Variants in UTS2R observed in about 807,000 individuals in gnomAD.
The protein encoded by UTS2R is urotensin 2 receptor.
For synonymous variants in UTS2R, 335 were observed against 280.9 expected (o/e 1.19, Z -1.93); for missense variants, 653 against 562.2 (o/e 1.16, Z -1.63).
rs1476293461 is a variant in UTS2R, at chr17:82,374,902, G to C, written c.578G>C (p.Arg193Pro). 4 of 1,207,016 alleles carry C rather than the reference G, an allele frequency of 3.3e-6. No individual in the cohort carries two copies. Among genetic ancestry groups the C allele is most frequent in the Middle Eastern group, 2.6e-4 (1 of 3,872 alleles). 74.8% of individuals were successfully genotyped at this position (1,207,016 alleles called of 1,614,324 possible). Residue 193 changes from arginine to proline, a missense_variant, in exon 3 of 3, where the codon CGG (arginine) becomes CCG (proline). Arg to Pro is a moderately radical substitution (Grantham distance 103, BLOSUM62 -2). Coordinates refer to ENST00000313135, the MANE Select transcript of UTS2R (RefSeq NM_018949.3). ...ATGCTGGCCATGCGGCTGGTGCGCC[G>C]GGGTCCCAAGAGCCTGTGCCTGCCC... ...PVMLAMRLVR[R>P]GPKSLCLPAW...
In UTS2R at chr17:82,377,028, G is replaced by A. The variant is rs2052502442; in HGVS notation, c.*1534G>A. On this transcript the variant is annotated 3_prime_UTR_variant, in exon 3 of 3. Transcript: ENST00000313135. ...GCGGTTTTGTGGAATAGAAAGGCAG[G>A]AAAGGTGGGGAAAAGATTGAGAAAT... Among the ~76,000 whole-genome samples the A allele has an allele frequency of 6.6e-6, 1 of 152,270 alleles. No individual in the cohort carries two copies. The highest frequency in any genetic ancestry group is 1.5e-5 in the Non-Finnish European group (1 of 68,052).
rs1473352084 is a variant in UTS2R at position 82,371,895 on chromosome 17, C to G, written c.-421C>G. Among the ~76,000 whole-genome samples the G allele has an allele frequency of 2.0e-5, 3 of 151,898 alleles. No homozygotes were observed. In the East Asian group the frequency reaches 5.8e-4, roughly 29 times the overall value. On this transcript the variant is annotated 5_prime_UTR_variant, in exon 1 of 3. Coordinates refer to ENST00000313135, the MANE Select transcript of UTS2R (RefSeq NM_018949.3). This position sits in a 1 kb window ranked among gnomAD's most constrained non-coding sequence, Gnocchi z 6.3. Reference sequence around the variant, plus strand: ...CTGGAAGCCGAGGCCACCGCGGAGCCCCTCGCGCCCCCTCTGCGCTGGGAC... The same window carrying G: ...CTGGAAGCCGAGGCCACCGCGGAGCGCCTCGCGCCCCCTCTGCGCTGGGAC...
In UTS2R at chr17:82,374,771, C is replaced by T. The variant is rs13305976; in HGVS notation, c.447C>T (p.Tyr149=). 1,239 of 1,604,702 alleles carry T rather than the reference C, an allele frequency of 7.7e-4. 25 individuals are homozygous for T. In the East Asian group the frequency reaches 0.027, roughly 34 times the overall value. ...FTLTVMSSER[Y]AAVLRPLDTV... is the part of the protein sequence containing the mutation. ...TGACCGTCATGAGCAGCGAGCGCTA[C>T]GCTGCGGTGCTGCGGCCGCTGGACA... The change falls in exon 3 of 3, where the codon TAC becomes TAT. Residue 149 remains tyrosine (Y), a synonymous_variant. Transcript: ENST00000313135.
At position 82,375,040 on chromosome 17, in the gene UTS2R, G is replaced by A. The variant is rs959588821; in HGVS notation, c.716G>A (p.Arg239His). Residue 239 changes from arginine (R) to histidine (H), a missense_variant, in exon 3 of 3, where the codon CGC (arginine) becomes CAC (histidine). Coordinates refer to ENST00000313135, the MANE Select transcript of UTS2R (RefSeq NM_018949.3). ...LLYARLARAYRRSQRASFKRA... is the reference protein window; with the variant it reads ...LLYARLARAYHRSQRASFKRA... ...TACGCGCGCCTGGCCCGCGCCTACC[G>A]CCGCTCGCAGCGCGCCTCCTTCAAG... 4 of 1,410,932 alleles carry A rather than the reference G, an allele frequency of 2.8e-6. No homozygotes were observed. Among genetic ancestry groups the A allele is most frequent in the African/African-American group, 1.5e-5 (1 of 66,614 alleles). The allele number at this position is 1,410,932 out of a possible 1,614,324, so 87.4% of individuals were successfully genotyped here. A position where few individuals can be genotyped will look rare whatever the true frequency, so the allele number is the denominator to read the frequency against.
In UTS2R at chr17:82,375,693, CTCCAGCGCAG is replaced by C; in HGVS notation, c.*203_*212del. On this transcript the variant is annotated 3_prime_UTR_variant, in exon 3 of 3. Transcript: ENST00000313135. ...CGCCTCCCTGAGGGTCTCCAGGAGGCTCCAGCGCAGTCCCGGCTTCTGGAGACCATGGCTT... is the reference window on the plus strand; with the variant it reads ...CGCCTCCCTGAGGGTCTCCAGGAGGCTCCCGGCTTCTGGAGACCATGGCTT... 1 of 450,422 alleles carries C rather than the reference CTCCAGCGCAG, an allele frequency of 2.2e-6. No homozygotes were observed. Among genetic ancestry groups the C allele is most frequent in the Non-Finnish European group, 3.9e-6 (1 of 258,150 alleles). 27.9% of individuals were successfully genotyped at this position (450,422 alleles called of 1,614,324 possible). A position where few individuals can be genotyped will look rare whatever the true frequency, so the allele number is the denominator to read the frequency against.
Position 82,376,829 on chromosome 17 carries a change from T to C in UTS2R, c.*1335T>C, listed in dbSNP as rs11657043. Among the ~76,000 whole-genome samples, 39,503 of 151,978 alleles carry C rather than the reference T, an allele frequency of 0.26. 5,457 individuals are homozygous for C. Among genetic ancestry groups the C allele is most frequent in the Non-Finnish European group, 0.31 (20,792 of 67,946 alleles). On this transcript the variant is annotated 3_prime_UTR_variant, in exon 3 of 3. Coordinates refer to ENST00000313135, the MANE Select transcript of UTS2R (RefSeq NM_018949.3). ...AGAGACTGATGTCAGCCGCCCCGTC[T>C]GGGAGGGAGGTGGGGGGGTCAGCCC... is the stretch of plus-strand genomic sequence containing the variant.
rs1172456186 is a variant in UTS2R, at chr17:82,374,871, C to G, written c.547C>G (p.Pro183Ala). The change falls in exon 3 of 3, where the codon CCC becomes GCC. Residue 183 changes from proline (P) to alanine (A), a missense_variant. By Grantham distance (27) the Pro-to-Ala change is conservative. Coordinates refer to ENST00000313135, the MANE Select transcript of UTS2R (RefSeq NM_018949.3). ...TWLLALLLTL[P>A]VMLAMRLVRR... Reference sequence around the variant, plus strand: ...GCTGCTGGCGCTGCTGCTGACGCTGCCCGTGATGCTGGCCATGCGGCTGGT... The same window carrying G: ...GCTGCTGGCGCTGCTGCTGACGCTGGCCGTGATGCTGGCCATGCGGCTGGT... 7.6e-7 allele frequency: 1 copy of G among 1,311,632 alleles called. No individual in the cohort carries two copies. Among genetic ancestry groups the G allele is most frequent in the Non-Finnish European group, 1.1e-6 (1 of 939,396 alleles). The allele number at this position is 1,311,632 out of a possible 1,614,324, so 81.2% of individuals were successfully genotyped here.
chr17:82,372,230 G>T (rs1006312457), intron 1 of UTS2R, among the ~76,000 whole-genome samples, 183 bp downstream of exon 1: 6 of 152,134 alleles, frequency 3.9e-5, no homozygotes, highest in Non-Finnish European at 5.9e-5. Flanking sequence ...CCCCCCTAGC[G>T]ACCCTGGAGC....
chr17:82,375,324 G>A lies in UTS2R; in HGVS notation c.1000G>A (p.Gly334Ser), dbSNP rs2052486406. 2 of 1,547,496 alleles carry A rather than the reference G, an allele frequency of 1.3e-6. No homozygotes were observed. Among genetic ancestry groups the A allele is most frequent in the East Asian group, 2.5e-5 (1 of 39,858 alleles). ...DHLRGRVRGP[G>S]SGGGRGPVPS... ...CCTGCGCGGCCGCGTGCGGGGCCCGGGCAGCGGGGGAGGCCGGGGGCCCGT... is the reference window on the plus strand; with the variant it reads ...CCTGCGCGGCCGCGTGCGGGGCCCGAGCAGCGGGGGAGGCCGGGGGCCCGT... The change falls in exon 3 of 3, where the codon GGC becomes AGC. Residue 334 changes from glycine (G) to serine (S), a missense_variant. Physicochemically the swap from Gly to Ser is moderately conservative, Grantham distance 56. Coordinates refer to ENST00000313135, the MANE Select transcript of UTS2R (RefSeq NM_018949.3).
In UTS2R at chr17:82,375,952, G is replaced by C. The variant is rs916230816; in HGVS notation, c.*458G>C. On this transcript the variant is annotated 3_prime_UTR_variant, in exon 3 of 3. Transcript: ENST00000313135. ...CCACATCTGAGGTGTGGGAGGATCG[G>C]CCGGCAGGATCCCCAGGACGACAAC... Among the ~76,000 whole-genome samples, 2 of 152,256 alleles carry C rather than the reference G, an allele frequency of 1.3e-5. No homozygotes were observed. Among genetic ancestry groups the C allele is most frequent in the Admixed American group, 6.5e-5 (1 of 15,288 alleles).
Position 82,375,763 on chromosome 17 carries a change from C to T in UTS2R, c.*269C>T, listed in dbSNP as rs111950915. Among the ~76,000 whole-genome samples, 471 of 152,342 alleles carry T rather than the reference C, an allele frequency of 3.1e-3. 2 individuals are homozygous for T. Among genetic ancestry groups the T allele is most frequent in the African/African-American group, 0.011 (448 of 41,582 alleles). The stretch of plus-strand genomic sequence containing the variant: ...GGGCAGCAGGCGCCAGTGCCCGGCC[C>T]GTGTGGAGACCATGGCGCGGCTGCC... On this transcript the variant is annotated 3_prime_UTR_variant, in exon 3 of 3. Transcript: ENST00000313135.
rs1050243920 is a variant in UTS2R, at chr17:82,374,240, C to T, written c.-82-3C>T. ...GTTGCCTGATTTGCTTCTTTCCCCA[C>T]AGGCTGAGCTGGTTGCCCACAGGGG... On this transcript the variant is annotated splice_polypyrimidine_tract_variant and splice_region_variant and intron_variant, in intron 2 of 2. Coordinates refer to ENST00000313135, the MANE Select transcript of UTS2R (RefSeq NM_018949.3). 9.0e-6 allele frequency: 10 copies of T among 1,110,352 alleles called. No homozygotes were observed. Among genetic ancestry groups the T allele is most frequent in the Middle Eastern group, 2.4e-4 (1 of 4,252 alleles). 68.8% of individuals were successfully genotyped at this position (1,110,352 alleles called of 1,614,324 possible). A position where few individuals can be genotyped will look rare whatever the true frequency, so the allele number is the denominator to read the frequency against.
At position 82,376,695 on chromosome 17, in the gene UTS2R, A is replaced by G. The variant is rs1044511397; in HGVS notation, c.*1201A>G. On this transcript the variant is annotated 3_prime_UTR_variant, in exon 3 of 3. Transcript: ENST00000313135. The stretch of plus-strand genomic sequence containing the variant: ...CGCTGGTGACTGGGCGATGCTGTGA[A>G]CGAGCCAGTGCCACAGAACTGTGCA... Among the ~76,000 whole-genome samples the G allele has an allele frequency of 6.6e-6, 1 of 152,262 alleles. No individual in the cohort carries two copies. Among genetic ancestry groups the G allele is most frequent in the Non-Finnish European group, 1.5e-5 (1 of 68,054 alleles).
intron 1 of UTS2R, among the ~76,000 whole-genome samples, 161 bp from the exon 2 acceptor site, chr17:82,372,437 C>T (rs2052458015): frequency 6.6e-6 from 1 of 152,176 alleles, no homozygotes; most frequent in Admixed American, 6.5e-5. Flanking sequence ...TGGGAAAGGG[C>T]GGACAGGGCA....
chr17:82,374,122 T>TC (rs1210236359), intron 2 of UTS2R, 121 bp from the exon 3 acceptor site: 1 of 572,966 alleles, frequency 1.7e-6, no homozygotes, highest in Admixed American at 3.1e-5. Flanking sequence ...AGCTGGTGGC[T>TC]TCCAGAGAGT....
At position 82,374,970 on chromosome 17, in the gene UTS2R, T is replaced by C. The variant is rs1429776736; in HGVS notation, c.646T>C (p.Phe216Leu). 1 of 1,189,586 alleles carries C rather than the reference T, an allele frequency of 8.4e-7. No individual in the cohort carries two copies. Among genetic ancestry groups the C allele is most frequent in the Non-Finnish European group, 1.2e-6 (1 of 840,398 alleles). The allele number at this position is 1,189,586 out of a possible 1,614,324, so 73.7% of individuals were successfully genotyped here. Residue 216 changes from phenylalanine to leucine, a missense_variant, in exon 3 of 3, where the codon TTC (phenylalanine) becomes CTC (leucine). Physicochemically the swap from Phe to Leu is conservative, Grantham distance 22 (BLOSUM62 0). Coordinates refer to ENST00000313135, the MANE Select transcript of UTS2R (RefSeq NM_018949.3). Reference sequence around the variant, plus strand: ...CCACCGCGCCTACCTGACGCTGCTCTTCGCCACCAGCATCGCGGGGCCCGG... The same window carrying C: ...CCACCGCGCCTACCTGACGCTGCTCCTCGCCACCAGCATCGCGGGGCCCGG... ...RAHRAYLTLL[F>L]ATSIAGPGLL...
In UTS2R at chr17:82,375,220, T is replaced by G. The variant is rs1402052765; in HGVS notation, c.896T>G (p.Leu299Arg). 2.5e-6 allele frequency: 4 copies of G among 1,578,042 alleles called. No homozygotes were observed. Among genetic ancestry groups the G allele is most frequent in the Non-Finnish European group, 3.4e-6 (4 of 1,163,692 alleles). ...APRTARIVNY[L>R]TTCLTYGNSC... is the part of the protein sequence containing the mutation. ...CGGACGGCGCGCATCGTCAACTACC[T>G]GACCACCTGCCTCACCTACGGCAAC... Residue 299 changes from leucine to arginine, a missense_variant, in exon 3 of 3, where the codon CTG becomes CGG. Physicochemically the swap from Leu to Arg is moderately radical, Grantham distance 102. Coordinates refer to ENST00000313135, the MANE Select transcript of UTS2R (RefSeq NM_018949.3).
intron 1 of UTS2R, among the ~76,000 whole-genome samples, chr17:82,372,309 G>T (rs1260024804): frequency 6.6e-6 from 1 of 152,154 alleles, no homozygotes; most frequent in Non-Finnish European, 1.5e-5. Context: ...TGGGGAGCCC[G>T]GTGCACCCTC....
rs946104737 is a variant in UTS2R at position 82,376,007 on chromosome 17, G to C, written c.*513G>C. Reference sequence around the variant, plus strand: ...GCTCAAGGGGGAGCCTGTGGGTCTGGCTGGGGTAGAGGGTGCACCTGCCTT... The same window carrying C: ...GCTCAAGGGGGAGCCTGTGGGTCTGCCTGGGGTAGAGGGTGCACCTGCCTT... On this transcript the variant is annotated 3_prime_UTR_variant, in exon 3 of 3. Coordinates refer to ENST00000313135, the MANE Select transcript of UTS2R (RefSeq NM_018949.3). Among the ~76,000 whole-genome samples, 20 of 152,318 alleles carry C rather than the reference G, an allele frequency of 1.3e-4. No individual in the cohort carries two copies. The highest frequency in any genetic ancestry group is 4.6e-4 in the Admixed American group (7 of 15,306).
Sources: allele counts gnomAD v4.1 joint callset (sites outside exome capture counted in the v4.1 genomes callset), GRCh38; gene constraint gnomAD v4.1.1; non-coding constraint Gnocchi (gnomAD v3.1); transcripts MANE v1.5; gene names NCBI Gene and HGNC (gene_info 2026-07-23, HGNC 2026-07-21).